ZNF385D: variants seen among roughly 807,000 people sequenced by gnomAD.
The protein encoded by ZNF385D is zinc finger protein 659.
ZNF385D carries 15 observed loss-of-function variants against 35.8 expected under a neutral mutation model. The observed-to-expected ratio is 0.42, with a 90% CI of 0.28 to 0.64. ZNF385D has a LOEUF of 0.64. Among genes scored for constraint, ZNF385D ranks in the 30% least tolerant of loss-of-function variants. The pLI is 0.23. For missense variants in ZNF385D, 474 were observed against 494.6 expected, an observed-to-expected ratio of 0.96 and a Z score of 0.39; for synonymous variants, 212 against 186.8, an observed-to-expected ratio of 1.13 and a Z score of -1.10.
chr3:22,010,131 A>G (rs1696477790), intron 3 of ZNF385D, among the ~76,000 whole-genome samples: 1 of 152,194 alleles, frequency 6.6e-6, no homozygotes, highest in African/African-American at 2.4e-5. Context: ...ACAAGATTCC[A>G]AGATGAGAAG....
chr3:22,155,426 A>T (rs1576414776), intron 3 of ZNF385D, among the ~76,000 whole-genome samples: 1 of 152,062 alleles, frequency 6.6e-6, no homozygotes, highest in South Asian at 2.1e-4. Context: ...AGGAAATTCT[A>T]TATGAAGGGA....
intron 4 of ZNF385D, among the ~76,000 whole-genome samples, chr3:21,476,897 T>G (rs1180417131): frequency 2.0e-5 from 3 of 152,130 alleles, no homozygotes; most frequent in Non-Finnish European, 2.9e-5. Context: ...CTCATCGGTA[T>G]CCATACCCCT....
intron 3 of ZNF385D, among the ~76,000 whole-genome samples, chr3:22,163,798 G>A (rs1158842167): frequency 2.0e-5 from 3 of 152,184 alleles, no homozygotes; most frequent in Non-Finnish European, 4.4e-5. Context: ...GTGGTGAAAA[G>A]TTTGTGAAGA....
intron 2 of ZNF385D, among the ~76,000 whole-genome samples, chr3:21,612,816 CTT>C (rs899038487): frequency 6.6e-6 from 1 of 151,804 alleles, no homozygotes; most frequent in Non-Finnish European, 1.5e-5. Flanking sequence ...TACCTTTGCT[CTT>C]TTTTTTCACA....
At chr3:21,645,819 T>C (rs1476003228) in intron 2 of ZNF385D, among the ~76,000 whole-genome samples, 1 of 152,150 alleles carries the variant, frequency 6.6e-6, no homozygotes, top group African/African-American at 2.4e-5. Flanking sequence ...TAAGTCACAG[T>C]TCTGGGTCTT....
intron 2 of ZNF385D, among the ~76,000 whole-genome samples, chr3:22,250,675 A>T (rs1197179320): frequency 1.3e-5 from 2 of 152,092 alleles, no homozygotes. Context: ...CCTTCAAGGC[A>T]CAGAGCCCCA....
At chr3:21,813,931 A>T (rs2073041343) in intron 3 of ZNF385D, among the ~76,000 whole-genome samples, 1 of 152,164 alleles carries the variant, frequency 6.6e-6, no homozygotes, top group Admixed American at 6.5e-5. Flanking sequence ...TGAAGGTAAA[A>T]ATGTTAAGGG....
At position 22,167,419 on chromosome 3, in the gene ZNF385D, G is replaced by A. The variant is rs536139089; in HGVS notation, c.325+1398C>T. Among the ~76,000 whole-genome samples, 16 of 152,250 alleles carry A rather than the reference G, an allele frequency of 1.1e-4. No individual in the cohort carries two copies. In the East Asian group the frequency reaches 1.2e-3, roughly 11 times the overall value. On this transcript the variant is annotated intron_variant, in intron 3 of 5. Transcript: ENST00000494108. Reference sequence around the variant, plus strand: ...ACTGTGGGGGTGGAGGACCACCCACGCATCCCCTCTCCACTGAGAGGTGTT... The same window carrying A: ...ACTGTGGGGGTGGAGGACCACCCACACATCCCCTCTCCACTGAGAGGTGTT...
chr3:22,184,145 G>C lies in ZNF385D; in HGVS notation c.107-15110C>G, dbSNP rs531427982. Reference sequence around the variant, plus strand: ...GTGCTGACTGTAACATGTTCAAGTTGTGTGGCCTCCAGCAAACCCTTCACC... The same window carrying C: ...GTGCTGACTGTAACATGTTCAAGTTCTGTGGCCTCCAGCAAACCCTTCACC... On this transcript the variant is annotated intron_variant, in intron 2 of 5. Transcript: ENST00000494108. Among the ~76,000 whole-genome samples the C allele has an allele frequency of 2.0e-5, 3 of 152,252 alleles. No individual in the cohort carries two copies. In the East Asian group the frequency reaches 5.8e-4, roughly 29 times the overall value.
At chr3:22,355,458 G>A (rs1410120132) in intron 2 of ZNF385D, among the ~76,000 whole-genome samples, 1 of 151,850 alleles carries the variant, frequency 6.6e-6, no homozygotes, top group Non-Finnish European at 1.5e-5. Flanking sequence ...AACAACGTAT[G>A]ATATAATAAA....
intron 2 of ZNF385D, among the ~76,000 whole-genome samples, chr3:22,298,466 AAAT>A (rs1362336854): frequency 1.6e-5 from 2 of 124,556 alleles, no homozygotes; most frequent in Non-Finnish European, 3.6e-5. Context: ...TATAATATAT[AAAT>A]ATACATAAAA....
rs1704611576 is a variant in ZNF385D, at chr3:22,143,013, A to G, written c.325+25804T>C. ...TCCTCTGGGGTCATGAATGACAATA[A>G]TAATAAAAAAAAAAGAGATTCATTT... On this transcript the variant is annotated intron_variant, in intron 3 of 5. Transcript: ENST00000494108. 3.3e-5 allele frequency among the ~76,000 whole-genome samples: 5 copies of G among 149,646 alleles called. No individual in the cohort carries two copies. The South Asian group carries it at 1.0e-3, about 31-fold the overall frequency.
chr3:22,252,880 T>C (rs913734712), intron 2 of ZNF385D, among the ~76,000 whole-genome samples: 2 of 152,142 alleles, frequency 1.3e-5, no homozygotes, highest in African/African-American at 4.8e-5. Context: ...TGGCGAAGAC[T>C]GTAAAAATGT....
chr3:22,108,885 G>T (rs1702364653), intron 3 of ZNF385D, among the ~76,000 whole-genome samples: 1 of 152,062 alleles, frequency 6.6e-6, no homozygotes, highest in African/African-American at 2.4e-5. Flanking sequence ...GGTGGTAGGT[G>T]CTTGTAGTCC....
chr3:21,812,331 T>G (rs768959556), intron 3 of ZNF385D, among the ~76,000 whole-genome samples: 1 of 152,230 alleles, frequency 6.6e-6, no homozygotes, highest in African/African-American at 2.4e-5. Context: ...GGTACCTGGT[T>G]CATCTCACTG....
intron 3 of ZNF385D, among the ~76,000 whole-genome samples, chr3:21,979,009 C>T (rs1694236464): frequency 6.6e-6 from 1 of 152,108 alleles, no homozygotes; most frequent in Non-Finnish European, 1.5e-5. Context: ...TTCCAAAATT[C>T]AGGCTCACCA....
At chr3:21,518,607 A>G (rs760307264) in intron 3 of ZNF385D, among the ~76,000 whole-genome samples, 6 of 152,138 alleles carry the variant, frequency 3.9e-5, no homozygotes, top group Non-Finnish European at 7.4e-5. Flanking sequence ...CCACTGTTTT[A>G]TTTGCATTAA....
chr3:22,146,619 A>C (rs112675393), intron 3 of ZNF385D, among the ~76,000 whole-genome samples: 7 of 152,262 alleles, frequency 4.6e-5, no homozygotes, highest in African/African-American at 1.7e-4. Context: ...TTTGCCTGCA[A>C]AAATAATAAC....
chr3:22,207,524 G>C (rs928164702), intron 2 of ZNF385D, among the ~76,000 whole-genome samples: 2 of 151,958 alleles, frequency 1.3e-5, no homozygotes, highest in African/African-American at 2.4e-5. Context: ...CCACACATTG[G>C]ACTGGGCAAA....
Sources: gnomAD v4.1 joint callset for allele counts (sites outside exome capture counted in the v4.1 genomes callset) on GRCh38, gnomAD v4.1.1 for gene constraint, MANE v1.5 for transcripts, NCBI Gene and HGNC (gene_info 2026-07-23, HGNC 2026-07-21) for gene names.